The following DRC11 variants were observed in gnomAD, a reference collection of about 807,000 sequenced individuals.
DRC11 encodes IQ and AAA domain-containing protein 1.
chr2:236,421,309 C>A, the DRC11 span, among the ~76,000 whole-genome samples: 3 of 152,024 alleles, frequency 2.0e-5, no homozygotes, highest in East Asian at 5.8e-4. Context: ...TGATAGACTG[C>A]TAGCAAGACT....
the DRC11 span, among the ~76,000 whole-genome samples, chr2:236,452,848 T>A: frequency 6.6e-6 from 1 of 152,172 alleles, no homozygotes; most frequent in Non-Finnish European, 1.5e-5. The surrounding 1 kb of genome is among the most constrained non-coding windows in gnomAD (Gnocchi z 4.7). Flanking sequence ...CTTCCTTTTT[T>A]AAAAAAATTT....
the DRC11 span, among the ~76,000 whole-genome samples, chr2:236,415,748 A>C: frequency 6.6e-6 from 1 of 152,198 alleles, no homozygotes; most frequent in Non-Finnish European, 1.5e-5. This position sits in a 1 kb window ranked among gnomAD's most constrained non-coding sequence, Gnocchi z 5.7. Context: ...AGTTAATAAA[A>C]TACTTTCACC....
the DRC11 span, among the ~76,000 whole-genome samples, chr2:236,366,855 T>A: frequency 9.3e-5 from 14 of 149,822 alleles, no homozygotes; most frequent in African/African-American, 3.4e-4. Flanking sequence ...TTTCTTTCGA[T>A]GGAGTTTCAC....
At chr2:236,392,333 C>CT in the DRC11 span, 5 of 1,588,544 alleles carry the variant, frequency 3.1e-6, no homozygotes, top group Admixed American at 1.8e-5. This position sits in a 1 kb window ranked among gnomAD's most constrained non-coding sequence, Gnocchi z 5.1. Flanking sequence ...CAAGACTCAT[C>CT]TTTTTTCATC....
chr2:236,455,177 C>T, the DRC11 span: 1 of 152,276 alleles, frequency 6.6e-6, no homozygotes, highest in Non-Finnish European at 1.5e-5. The surrounding 1 kb of genome is among the most constrained non-coding windows in gnomAD (Gnocchi z 5.7). Flanking sequence ...GACCACCTAC[C>T]ACTCCTCTGC....
chr2:236,442,991 TA>T, the DRC11 span, among the ~76,000 whole-genome samples: 1 of 152,194 alleles, frequency 6.6e-6, no homozygotes, highest in Non-Finnish European at 1.5e-5. Context: ...GTCTGAGCCT[TA>T]ACCCCCTCAC....
At chr2:236,351,299 A>C in the DRC11 span, among the ~76,000 whole-genome samples, 1 of 151,960 alleles carries the variant, frequency 6.6e-6, no homozygotes, top group South Asian at 2.1e-4. This position sits in a 1 kb window ranked among gnomAD's most constrained non-coding sequence, Gnocchi z 7.3. Flanking sequence ...CACCAATGAC[A>C]GAAAGTGGGA....
chr2:236,318,890 G>T, the DRC11 span, among the ~76,000 whole-genome samples: 2 of 152,170 alleles, frequency 1.3e-5, no homozygotes, highest in Admixed American at 6.5e-5. This position sits in a 1 kb window ranked among gnomAD's most constrained non-coding sequence, Gnocchi z 7.0. Flanking sequence ...GACAGGTTGG[G>T]AGTGAGGCCT....
At chr2:236,370,051 C>T in the DRC11 span, among the ~76,000 whole-genome samples, 2 of 152,160 alleles carry the variant, frequency 1.3e-5, no homozygotes, top group Non-Finnish European at 2.9e-5. The surrounding 1 kb of genome is among the most constrained non-coding windows in gnomAD (Gnocchi z 5.5). Flanking sequence ...AGGGTTGTCG[C>T]AGATAGATTT....
chr2:236,392,778 T>C, the DRC11 span, among the ~76,000 whole-genome samples: 3 of 152,324 alleles, frequency 2.0e-5, no homozygotes, highest in East Asian at 5.8e-4. The surrounding 1 kb of genome is among the most constrained non-coding windows in gnomAD (Gnocchi z 5.1). Context: ...CCTGTTGAAC[T>C]CTCCAGGAAT....
chr2:236,367,104 G>T, the DRC11 span, among the ~76,000 whole-genome samples: 1 of 150,642 alleles, frequency 6.6e-6, no homozygotes, highest in Non-Finnish European at 1.5e-5. This position sits in a 1 kb window ranked among gnomAD's most constrained non-coding sequence, Gnocchi z 4.8. Context: ...ACATGCGTGA[G>T]CCACTATGCC....
At chr2:236,320,854 C>T in the DRC11 span, among the ~76,000 whole-genome samples, 41 of 150,286 alleles carry the variant, frequency 2.7e-4, no homozygotes, top group East Asian at 7.1e-3. Flanking sequence ...CCCCCGCCAT[C>T]GCCTTCCTCC....
chr2:236,343,854 T>C, the DRC11 span: 5 of 741,602 alleles, frequency 6.7e-6, no homozygotes, highest in Admixed American at 1.2e-4. This position sits in a 1 kb window ranked among gnomAD's most constrained non-coding sequence, Gnocchi z 6.6. Context: ...GAAGAAAAGA[T>C]TGAGCTTCCA....
At chr2:236,345,314 C>T in the DRC11 span, among the ~76,000 whole-genome samples, 1 of 152,064 alleles carries the variant, frequency 6.6e-6, no homozygotes, top group African/African-American at 2.4e-5. Context: ...GGACAAGTCC[C>T]CACCCCCCCC....
chr2:236,502,957 A>G, the DRC11 span, among the ~76,000 whole-genome samples: 35 of 152,324 alleles, frequency 2.3e-4, 1 homozygote, highest in African/African-American at 6.7e-4. Flanking sequence ...TCCATCTCAA[A>G]AAAAAGAAAA....
the DRC11 span, among the ~76,000 whole-genome samples, chr2:236,317,294 C>T: frequency 6.8e-5 from 10 of 147,714 alleles, no homozygotes; most frequent in East Asian, 1.4e-3. The surrounding 1 kb of genome is among the most constrained non-coding windows in gnomAD (Gnocchi z 5.4). Context: ...GATTCCATAT[C>T]GGGGGAAAAA....
the DRC11 span, among the ~76,000 whole-genome samples, chr2:236,357,439 T>C: frequency 1.6e-5 from 2 of 126,784 alleles, no homozygotes; most frequent in Non-Finnish European, 3.1e-5. Flanking sequence ...ATAGTATATG[T>C]ATATTTATAA....
the DRC11 span, among the ~76,000 whole-genome samples, chr2:236,386,145 T>C: frequency 2.0e-5 from 3 of 150,050 alleles, no homozygotes; most frequent in South Asian, 2.1e-4. Context: ...TGTCTCTGCC[T>C]GGCTTTGGTA....
At chr2:236,451,475 T>C in the DRC11 span, among the ~76,000 whole-genome samples, 56 of 152,314 alleles carry the variant, frequency 3.7e-4, no homozygotes, top group African/African-American at 1.3e-3. Flanking sequence ...GATACTGTTC[T>C]GGGAAAAGGC....
Sources: allele counts gnomAD v4.1 joint callset (sites outside exome capture counted in the v4.1 genomes callset), GRCh38; gene constraint gnomAD v4.1.1; non-coding constraint Gnocchi (gnomAD v3.1); transcripts MANE v1.5; gene names NCBI Gene and HGNC (gene_info 2026-07-23, HGNC 2026-07-21).